Variants in IKBKE observed in about 807,000 individuals in gnomAD.
IKBKE encodes the protein inhibitor of nuclear factor kappa-B kinase subunit epsilon.
A neutral mutation model predicts 92.1 loss-of-function variants in IKBKE; 45 were observed. That is an observed-to-expected ratio of 0.49 (90% CI 0.38 to 0.63). The LOEUF is 0.63. Among genes scored for constraint, IKBKE ranks in the 20% least tolerant of loss-of-function variants. The pLI, the probability that IKBKE is intolerant of heterozygous loss-of-function variation, is 0.00. For synonymous variants in IKBKE, 374 were observed against 380.3 expected (o/e 0.98, Z 0.19); for missense variants, 700 against 932.8 (o/e 0.75, Z 3.25).
chr1:206,473,029 G>GTTAC (rs782661770), intron 2 of IKBKE, 167 bp from the exon 3 acceptor site: 10 of 595,318 alleles, frequency 1.7e-5, no homozygotes, highest in Admixed American at 3.3e-5. Context: ...TTTTGGGGAA[G>GTTAC]TTACTTAACC....
chr1:206,473,173 C>T (rs1435131681), intron 2 of IKBKE, 23 bp from the exon 3 acceptor site: 1 of 1,416,188 alleles, frequency 7.1e-7, no homozygotes, highest in East Asian at 2.4e-5. Context: ...GAATCCTGGG[C>T]CCCCAGCATG....
chr1:206,491,185 C>T, intron 17 of IKBKE: 1 of 438,748 alleles, frequency 2.3e-6, no homozygotes. Context: ...CCTTCCCTGC[C>T]TCCCCCCGCT....
chr1:206,479,488 G>C (rs1665245543), intron 10 of IKBKE, among the ~76,000 whole-genome samples: 1 of 152,184 alleles, frequency 6.6e-6, no homozygotes, highest in Non-Finnish European at 1.5e-5. Flanking sequence ...AGAAGGGAAG[G>C]GGGTCGGGGT....
At chr1:206,491,408 G>T in intron 17 of IKBKE, 1 of 452,272 alleles carries the variant, frequency 2.2e-6, no homozygotes, top group African/African-American at 2.0e-5. Context: ...GTTCCCTGAG[G>T]ACCCCCTGTG....
At position 206,491,739 on chromosome 1, in the gene IKBKE, A is replaced by G; in HGVS notation, c.1825A>G (p.Lys609Glu). ...KYQASLVTHG[K>E]RMRVVHETRN... ...TCAAGCGTCCTTAGTCACACACGGC[A>G]AGAGGATGAGGTAACAGCCCCTCCT... The change falls in exon 18 of 22, where the codon AAG becomes GAG. Residue 609 changes from lysine (K) to glutamate (E), a missense_variant. Lys to Glu is a moderately conservative substitution (Grantham distance 56). Transcript: ENST00000581977. The G allele has an allele frequency of 6.2e-7, 1 of 1,612,242 alleles. No homozygotes were observed. Among genetic ancestry groups the G allele is most frequent in the Non-Finnish European group, 8.5e-7 (1 of 1,178,732 alleles).
intron 21 of IKBKE, among the ~76,000 whole-genome samples, chr1:206,494,733 A>C (rs1259605506): frequency 6.7e-6 from 1 of 149,068 alleles, no homozygotes; most frequent in Non-Finnish European, 1.5e-5. Flanking sequence ...CCTCCTGAGT[A>C]GCCAGGATTA....
At chr1:206,494,450 A>G (rs546895599) in intron 21 of IKBKE, among the ~76,000 whole-genome samples, 3 of 152,104 alleles carry the variant, frequency 2.0e-5, no homozygotes, top group African/African-American at 7.2e-5. Context: ...GCCAATGCTC[A>G]TGGGCCAGCC....
intron 15 of IKBKE, among the ~76,000 whole-genome samples, chr1:206,486,704 T>C (rs1031972316): frequency 5.3e-5 from 8 of 150,900 alleles, no homozygotes; most frequent in Non-Finnish European, 1.0e-4. Context: ...AGCCCTGTCC[T>C]TTTGGATGAA....
intron 18 of IKBKE, 128 bp downstream of exon 18, chr1:206,491,877 T>G: frequency 1.5e-6 from 1 of 658,826 alleles, no homozygotes; most frequent in Non-Finnish European, 2.7e-6. Flanking sequence ...AGCAGAGGAG[T>G]GGTTTTCTGT....
chr1:206,493,392 A>T lies in IKBKE; in HGVS notation c.2045+14A>T, dbSNP rs782378937. The T allele has an allele frequency of 1.9e-6, 3 of 1,580,156 alleles. No individual in the cohort carries two copies. Among genetic ancestry groups the T allele is most frequent in the Non-Finnish European group, 2.6e-6 (3 of 1,149,356 alleles). ...CCTGCTTCTCCAGTAAGTGCTGGGG[A>T]GAAAGCGGTTGTGTATCTGTGTGGA... On this transcript the variant is annotated intron_variant, in intron 20 of 21. Transcript: ENST00000581977.
chr1:206,470,849 C>T (rs370591306), intron 1 of IKBKE, among the ~76,000 whole-genome samples, 151 bp downstream of exon 1: 47 of 152,240 alleles, frequency 3.1e-4, no homozygotes, highest in African/African-American at 1.1e-3. Flanking sequence ...AGGTGAGCCA[C>T]CACGGGCCAA....
At position 206,492,833 on chromosome 1, in the gene IKBKE, C is replaced by A. The variant is rs1479750912; in HGVS notation, c.1836-190C>A. Reference sequence around the variant, plus strand: ...AAGGGGGCCTCCCAGCCTCAGCCAGCTGTGTGCTTCTGCATTATTGCAGTG... The same window carrying A: ...AAGGGGGCCTCCCAGCCTCAGCCAGATGTGTGCTTCTGCATTATTGCAGTG... On this transcript the variant is annotated intron_variant, in intron 18 of 21. Coordinates refer to ENST00000581977, the MANE Select transcript of IKBKE (RefSeq NM_014002.4). 3 of 692,046 alleles carry A rather than the reference C, an allele frequency of 4.3e-6. No individual in the cohort carries two copies. The African/African-American group carries it at 5.3e-5, about 12-fold the overall frequency. 42.9% of individuals were successfully genotyped at this position (692,046 alleles called of 1,614,324 possible).
chr1:206,491,964 A>C, intron 18 of IKBKE: 1 of 456,158 alleles, frequency 2.2e-6, no homozygotes, highest in Non-Finnish European at 4.0e-6. Flanking sequence ...TGCCCTATAC[A>C]GTAGATATCA....
In IKBKE at chr1:206,476,467, C is replaced by A. The variant is rs1352017208; in HGVS notation, c.540+105C>A. On this transcript the variant is annotated intron_variant, in intron 6 of 21. Coordinates refer to ENST00000581977, the MANE Select transcript of IKBKE (RefSeq NM_014002.4). The surrounding 1 kb of genome is among the most constrained non-coding windows in gnomAD (Gnocchi z 5.1). ...GGGTGTGGCCCACCTCCTGCTTCCA[C>A]AGGAGTTATGTCTCTCCCCTGTACC... 3.9e-5 allele frequency: 49 copies of A among 1,265,456 alleles called. No individual in the cohort carries two copies. Among genetic ancestry groups the A allele is most frequent in the Non-Finnish European group, 5.1e-5 (46 of 894,726 alleles). The allele number at this position is 1,265,456 out of a possible 1,614,324, so 78.4% of individuals were successfully genotyped here. A position where few individuals can be genotyped will look rare whatever the true frequency, so the allele number is the denominator to read the frequency against.
Position 206,476,568 on chromosome 1 carries a change from G to T in IKBKE, c.541-110G>T. ...CACCCATTTTTAAGATGACAAAGAAGGATTTGAACAGTTCTGTTTTCACCT... is the reference window on the plus strand; with the variant it reads ...CACCCATTTTTAAGATGACAAAGAATGATTTGAACAGTTCTGTTTTCACCT... On this transcript the variant is annotated intron_variant, in intron 6 of 21. Transcript: ENST00000581977. The surrounding 1 kb of genome is among the most constrained non-coding windows in gnomAD (Gnocchi z 5.1). 1 of 1,326,146 alleles carries T rather than the reference G, an allele frequency of 7.5e-7. No individual in the cohort carries two copies. The allele number at this position is 1,326,146 out of a possible 1,614,324, so 82.1% of individuals were successfully genotyped here.
At chr1:206,494,342 A>T (rs1666107671) in intron 21 of IKBKE, among the ~76,000 whole-genome samples, 1 of 152,136 alleles carries the variant, frequency 6.6e-6, no homozygotes, top group Non-Finnish European at 1.5e-5. Flanking sequence ...TGCTGTTTTC[A>T]TCCCCATGTG....
intron 5 of IKBKE, chr1:206,475,208 G>A (rs1553384937): frequency 9.2e-6 from 5 of 541,842 alleles, no homozygotes; most frequent in Non-Finnish European, 1.6e-5. Context: ...AACAAAATGT[G>A]GGAGGTACCT....
intron 13 of IKBKE, among the ~76,000 whole-genome samples, chr1:206,484,095 T>TTTGTATTGTA (rs56098571): frequency 0.16 from 19,385 of 121,962 alleles, 2,048 homozygotes; most frequent in South Asian, 0.2. Flanking sequence ...TGGCTTTTAT[T>TTTGTATTGTA]TTGTATTGTA....
intron 12 of IKBKE, 55 bp downstream of exon 12, chr1:206,480,168 G>T (rs41297610): frequency 0.032 from 31,104 of 983,958 alleles, 494 homozygotes; most frequent in Non-Finnish European, 0.039. Context: ...AGAGGGAGGC[G>T]GACAGGAGGG....
Sources: gnomAD v4.1 joint callset for allele counts (sites outside exome capture counted in the v4.1 genomes callset) on GRCh38, gnomAD v4.1.1 for gene constraint, Gnocchi (gnomAD v3.1) non-coding constraint, MANE v1.5 for transcripts, NCBI Gene and HGNC (gene_info 2026-07-23, HGNC 2026-07-21) for gene names.